SH3YL1: variants seen among roughly 807,000 people sequenced by gnomAD.
SH3YL1 encodes SH3 and SYLF domain containing 1, also known as SH3 domain-containing YSC84-like protein 1.
Under a neutral mutation model 45.8 loss-of-function variants are expected in SH3YL1, and 41 were observed. The ratio of observed to expected loss-of-function variants is 0.89; its 90% CI spans 0.70 to 1.16. SH3YL1 has a LOEUF of 1.16. Among genes scored for constraint, SH3YL1 ranks in the 50% most tolerant of loss-of-function variants. SH3YL1 has a pLI of 0.00. For synonymous variants in SH3YL1, 152 were observed against 151.4 expected (o/e 1.00, Z -0.03); for missense variants, 389 against 409.6 (o/e 0.95, Z 0.43).
intron 4 of SH3YL1, among the ~76,000 whole-genome samples, chr2:245,133 G>A (rs1668738207): frequency 6.6e-6 from 1 of 152,138 alleles, no homozygotes; most frequent in Non-Finnish European, 1.5e-5. Flanking sequence ...AGAGCAAACA[G>A]TGCTTTCTGT....
chr2:224,259 A>G (rs140809469), intron 9 of SH3YL1, among the ~76,000 whole-genome samples: 6 of 152,376 alleles, frequency 3.9e-5, no homozygotes, highest in African/African-American at 1.2e-4. Context: ...TTTAAGTAAG[A>G]CAGATTGAAG....
chr2:230,291 A>T (rs1667979644), intron 7 of SH3YL1: 1 of 324,798 alleles, frequency 3.1e-6, no homozygotes, highest in South Asian at 8.6e-5. Context: ...ACCTCTGACC[A>T]CCTGTGCAAG....
intron 8 of SH3YL1, among the ~76,000 whole-genome samples, chr2:225,423 C>T (rs1020284459): frequency 1.3e-5 from 2 of 152,230 alleles, no homozygotes; most frequent in Non-Finnish European, 2.9e-5. Context: ...ACGAAGAGCA[C>T]ACCTTGCACA....
chr2:236,748 C>T (rs764844064), intron 4 of SH3YL1, among the ~76,000 whole-genome samples: 2 of 152,146 alleles, frequency 1.3e-5, no homozygotes, highest in South Asian at 2.1e-4. Context: ...CAAATCAATG[C>T]TCTCAAGTCA....
chr2:264,788 A>G, upstream of SH3YL1: 4 of 661,586 alleles, frequency 6.0e-6, no homozygotes, highest in South Asian at 6.2e-5. Flanking sequence ...CTACCGTCAT[A>G]GGACCGCCTC....
rs1046086185 is a variant in SH3YL1, at chr2:228,257, T to C, written c.781+1709A>G. ...TGCAAAATGGGGAGGGCACTGCCCA[T>C]CTCCCCAAGAAAGGGTTCGGGGAAC... On this transcript the variant is annotated intron_variant, in intron 8 of 9. Coordinates refer to ENST00000356150, the MANE Select transcript of SH3YL1 (RefSeq NM_015677.4). Among the ~76,000 whole-genome samples, 33 of 151,966 alleles carry C rather than the reference T, an allele frequency of 2.2e-4. 1 individual carries two copies. The highest frequency in any genetic ancestry group is 3.2e-4 in the Non-Finnish European group (22 of 67,978).
At chr2:233,890 G>C (rs1434754672) in intron 5 of SH3YL1, among the ~76,000 whole-genome samples, 2 of 152,116 alleles carry the variant, frequency 1.3e-5, no homozygotes, top group African/African-American at 2.4e-5. Context: ...AAAGCTTAAG[G>C]TGGATTTTAT....
chr2:250,507 G>A (rs942444625), intron 2 of SH3YL1, among the ~76,000 whole-genome samples: 1 of 152,050 alleles, frequency 6.6e-6, no homozygotes, highest in Admixed American at 6.5e-5. Context: ...CATAAAATGA[G>A]GGTTATTGGT....
chr2:226,551 T>C (rs1572143085), intron 8 of SH3YL1, among the ~76,000 whole-genome samples: 1 of 152,166 alleles, frequency 6.6e-6, no homozygotes, highest in Non-Finnish European at 1.5e-5. Flanking sequence ...GTGGGGAAGG[T>C]ATATGCTGAA....
chr2:253,651 T>C (rs1442869842), intron 1 of SH3YL1, among the ~76,000 whole-genome samples: 1 of 152,140 alleles, frequency 6.6e-6, no homozygotes, highest in Non-Finnish European at 1.5e-5. Context: ...TGAAAAACAA[T>C]TGTAAGTATC....
intron 9 of SH3YL1, 51 bp downstream of exon 9, chr2:224,813 G>C (rs1667724204): frequency 7.4e-7 from 1 of 1,345,306 alleles, no homozygotes; most frequent in African/African-American, 1.4e-5. Flanking sequence ...GGAAGTTTGT[G>C]ATCACAAAAT....
chr2:225,682 T>C (rs1667760908), intron 8 of SH3YL1, among the ~76,000 whole-genome samples: 1 of 152,238 alleles, frequency 6.6e-6, no homozygotes, highest in South Asian at 2.1e-4. Context: ...AGAAATAGTT[T>C]TGAGCAAGTG....
At chr2:241,210 A>C (rs1468211402) in intron 4 of SH3YL1, 1 of 152,190 alleles carries the variant, frequency 6.6e-6, no homozygotes, top group East Asian at 1.9e-4. Flanking sequence ...ATTGATAAAA[A>C]CATAAAATTA....
At chr2:262,840 C>G in intron 1 of SH3YL1, 1 of 642,968 alleles carries the variant, frequency 1.6e-6, no homozygotes, top group Non-Finnish European at 2.2e-6. Context: ...TTATTTTAAA[C>G]TTTTTTTTAA....
chr2:237,704 G>T (rs889553712), intron 4 of SH3YL1, among the ~76,000 whole-genome samples: 11 of 152,116 alleles, frequency 7.2e-5, no homozygotes, highest in African/African-American at 2.7e-4. Flanking sequence ...CCAGCCTAAA[G>T]AAATGACAAA....
chr2:261,636 A>G (rs1669595090), intron 1 of SH3YL1, among the ~76,000 whole-genome samples: 1 of 152,230 alleles, frequency 6.6e-6, no homozygotes, highest in Non-Finnish European at 1.5e-5. Context: ...GCAGTTCTAT[A>G]AACTCAATGC....
intron 4 of SH3YL1, chr2:239,768 A>C (rs986657347): frequency 6.6e-6 from 1 of 152,216 alleles, no homozygotes; most frequent in Non-Finnish European, 1.5e-5. Flanking sequence ...AATAACCGTA[A>C]CTGGTAAAAA....
At chr2:224,992 C>T in intron 8 of SH3YL1, 72 bp from the exon 9 acceptor site, 2 of 1,141,694 alleles carry the variant, frequency 1.8e-6, no homozygotes, top group Non-Finnish European at 2.6e-6. Flanking sequence ...ACAAAATTGC[C>T]AGATCCTGCC....
At chr2:257,013 T>A (rs756908628) in intron 1 of SH3YL1, among the ~76,000 whole-genome samples, 1 of 152,242 alleles carries the variant, frequency 6.6e-6, no homozygotes, top group Non-Finnish European at 1.5e-5. Flanking sequence ...CTATATCTTG[T>A]AAAGTGTCTG....
Sources: gnomAD v4.1 joint callset for allele counts (sites outside exome capture counted in the v4.1 genomes callset) on GRCh38, gnomAD v4.1.1 for gene constraint, MANE v1.5 for transcripts, NCBI Gene and HGNC (gene_info 2026-07-23, HGNC 2026-07-21) for gene names.